Variants in PKHD1 observed in about 807,000 individuals in gnomAD.
PKHD1 encodes PKHD1 ciliary IPT domain containing fibrocystin/polyductin, also known as fibrocystin.
A neutral mutation model predicts 412.0 loss-of-function variants in PKHD1; 291 were observed. The observed-to-expected ratio is 0.71, with a 90% confidence interval of 0.64 to 0.78. The LOEUF is 0.78. Ranked by LOEUF, PKHD1 falls within the 30% of genes least tolerant of loss-of-function variation. The pLI is 0.00. For missense variants in PKHD1, 4,825 were observed against 4,950.7 expected (o/e 0.97, Z 0.76); for synonymous variants, 1,777 against 1,821.5 (o/e 0.98, Z 0.62).
intron 27 of PKHD1, among the ~76,000 whole-genome samples, chr6:52,041,634 C>T (rs1056132108): frequency 6.6e-6 from 1 of 152,146 alleles, no homozygotes; most frequent in African/African-American, 2.4e-5. Context: ...AATTTCTACC[C>T]GCTTGGCATA....
At chr6:51,900,460 C>T (rs886727277) in intron 43 of PKHD1, among the ~76,000 whole-genome samples, 1 of 152,178 alleles carries the variant, frequency 6.6e-6, no homozygotes, top group African/African-American at 2.4e-5. Context: ...GGAAAATTGG[C>T]TAGCCATATG....
At chr6:51,896,412 C>T (rs1014192973) in intron 43 of PKHD1, among the ~76,000 whole-genome samples, 1 of 152,160 alleles carries the variant, frequency 6.6e-6, no homozygotes, top group Non-Finnish European at 1.5e-5. Context: ...ACACTGACAC[C>T]TCACACGGCA....
At chr6:51,923,525 A>C (rs990754694) in intron 37 of PKHD1, among the ~76,000 whole-genome samples, 3 of 152,142 alleles carry the variant, frequency 2.0e-5, no homozygotes, top group East Asian at 3.9e-4. Context: ...AAAGAAAAAA[A>C]AAAAACAATA....
chr6:51,640,295 G>A (rs1376118564), intron 63 of PKHD1, among the ~76,000 whole-genome samples: 2 of 152,152 alleles, frequency 1.3e-5, no homozygotes, highest in East Asian at 1.9e-4. Flanking sequence ...TAGAACAGCC[G>A]CCAAATTGCC....
intron 52 of PKHD1, among the ~76,000 whole-genome samples, chr6:51,800,136 C>G (rs1202703549): frequency 2.6e-5 from 4 of 152,158 alleles, no homozygotes; most frequent in African/African-American, 9.7e-5. Context: ...CAAAGGGGCT[C>G]AGGACTAGCC....
chr6:52,082,534 A>C lies in PKHD1; in HGVS notation c.139T>G (p.Leu47Val). Residue 47 changes from leucine (L) to valine (V), a missense_variant, in exon 4 of 67, where the codon TTG becomes GTG. By Grantham distance (32) the Leu-to-Val change is conservative (BLOSUM62 1). Coordinates refer to ENST00000371117, the MANE Select transcript of PKHD1 (RefSeq NM_138694.4). ...WITVIFDGLELGVLYPNNGSQ... is the reference protein window; with the variant it reads ...WITVIFDGLEVGVLYPNNGSQ... The stretch of plus-strand genomic sequence containing the variant: ...CCATTGTTGGGGTAAAGAACACCCA[A>C]CTCCAAACCTAACACAAGGGAAAGA... 1 of 1,613,960 alleles carries C rather than the reference A, an allele frequency of 6.2e-7. No individual in the cohort carries two copies. The highest frequency in any genetic ancestry group is 8.5e-7 in the Non-Finnish European group (1 of 1,179,896).
At chr6:51,619,577 A>G (rs761693249) in intron 66 of PKHD1, 57 bp from the exon 67 acceptor site, 255 of 1,381,472 alleles carry the variant, frequency 1.8e-4, no homozygotes, top group Non-Finnish European at 2.5e-4. Context: ...AGTTAATTAC[A>G]CATTTTGCAT....
intron 57 of PKHD1, among the ~76,000 whole-genome samples, chr6:51,752,469 C>T (rs759943241): frequency 6.6e-6 from 1 of 152,160 alleles, no homozygotes; most frequent in Non-Finnish European, 1.5e-5. Flanking sequence ...ATTTAAGGTC[C>T]AAACACTGCC....
At chr6:51,800,873 TG>T (rs1562339866) in intron 52 of PKHD1, among the ~76,000 whole-genome samples, 2 of 152,294 alleles carry the variant, frequency 1.3e-5, no homozygotes, top group Non-Finnish European at 1.5e-5. Context: ...GGGAGAGCAA[TG>T]GCATGCCAGG....
At chr6:51,858,149 T>G (rs1439080843) in intron 48 of PKHD1, among the ~76,000 whole-genome samples, 1 of 152,148 alleles carries the variant, frequency 6.6e-6, no homozygotes, top group Non-Finnish European at 1.5e-5. Flanking sequence ...TCCCACCATA[T>G]TTCATCCCTC....
intron 46 of PKHD1, 56 bp downstream of exon 46, chr6:51,883,037 G>C: frequency 7.1e-7 from 1 of 1,399,468 alleles, no homozygotes; most frequent in East Asian, 2.3e-5. Context: ...AGGGGGCCCA[G>C]CACATGTAAT....
intron 66 of PKHD1, 105 bp from the exon 67 acceptor site, chr6:51,619,625 T>C: frequency 3.4e-6 from 3 of 894,544 alleles, no homozygotes; most frequent in Middle Eastern, 2.2e-4. Context: ...AAATCAAAGA[T>C]TGAATTACAT....
chr6:51,934,600 A>G (rs1192732148), intron 36 of PKHD1, among the ~76,000 whole-genome samples: 1 of 152,166 alleles, frequency 6.6e-6, no homozygotes, highest in Admixed American at 6.5e-5. Context: ...AGGAATGGTT[A>G]AATAATGTAT....
At chr6:51,862,144 A>C (rs1774295111) in intron 48 of PKHD1, among the ~76,000 whole-genome samples, 2 of 152,240 alleles carry the variant, frequency 1.3e-5, no homozygotes, top group South Asian at 4.1e-4. Flanking sequence ...GCAGAAGCCC[A>C]TCATTGACCC....
chr6:52,072,077 T>C (rs900201506), intron 8 of PKHD1, 38 bp downstream of exon 8: 2 of 1,199,708 alleles, frequency 1.7e-6, no homozygotes, highest in East Asian at 4.6e-5. Context: ...TGGACGAACT[T>C]ACAAGCATGT....
chr6:51,822,278 G>A (rs982143318), intron 52 of PKHD1, among the ~76,000 whole-genome samples: 1 of 152,112 alleles, frequency 6.6e-6, no homozygotes, highest in Non-Finnish European at 1.5e-5. Context: ...TGTTACATTA[G>A]ATTTTGCATT....
intron 60 of PKHD1, among the ~76,000 whole-genome samples, chr6:51,662,116 TA>T (rs1360815259): frequency 2.0e-5 from 3 of 151,942 alleles, no homozygotes; most frequent in African/African-American, 4.8e-5. Context: ...TTTACTATAT[TA>T]AAATTTGGGG....
At chr6:51,630,614 A>T (rs1767810916) in intron 65 of PKHD1, among the ~76,000 whole-genome samples, 1 of 152,220 alleles carries the variant, frequency 6.6e-6, no homozygotes, top group East Asian at 1.9e-4. Context: ...TTGAAAGCAT[A>T]ACAAGGTCCT....
chr6:52,026,187 G>T lies in PKHD1; in HGVS notation c.3629-6C>A. 1 of 1,613,336 alleles carries T rather than the reference G, an allele frequency of 6.2e-7. No individual in the cohort carries two copies. Among genetic ancestry groups the T allele is most frequent in the East Asian group, 2.2e-5 (1 of 44,886 alleles). The stretch of plus-strand genomic sequence containing the variant: ...GATGCTGAGGATGGTCCCTCCTAAA[G>T]TATGAATACGGAAAGCAAAATATTA... On this transcript the variant is annotated splice_region_variant and splice_polypyrimidine_tract_variant and intron_variant, in intron 31 of 66. Transcript: ENST00000371117.
Sources: gnomAD v4.1 joint callset for allele counts (sites outside exome capture counted in the v4.1 genomes callset) on GRCh38, gnomAD v4.1.1 for gene constraint, MANE v1.5 for transcripts, NCBI Gene and HGNC (gene_info 2026-07-23, HGNC 2026-07-21) for gene names.